Variants in RPS6KA5 observed in about 807,000 individuals in gnomAD.
RPS6KA5 encodes the protein ribosomal protein S6 kinase alpha-5.
RPS6KA5 carries 27 observed loss-of-function variants against 85.5 expected under a neutral mutation model. The observed-to-expected ratio is 0.32, with a 90% CI of 0.23 to 0.44. The LOEUF is 0.44. RPS6KA5 is among the 20% of genes least tolerant of loss of function. The probability of loss-of-function intolerance (pLI) is 1.00; values close to 1 mark genes in which losing one functional copy is unlikely to be tolerated. For missense variants in RPS6KA5, 811 were observed against 980.9 expected (o/e 0.83, Z 2.31); for synonymous variants, 334 against 348.2 (o/e 0.96, Z 0.46).
chr14:90,965,562 A>G (rs1478960283), intron 3 of RPS6KA5, among the ~76,000 whole-genome samples: 2 of 152,152 alleles, frequency 1.3e-5, no homozygotes, highest in Non-Finnish European at 2.9e-5. Context: ...TTGAGAAGTA[A>G]TAAGAGGCTG....
chr14:91,040,448 A>ATT (rs1336226356), intron 1 of RPS6KA5, among the ~76,000 whole-genome samples: 1 of 152,084 alleles, frequency 6.6e-6, no homozygotes, highest in Non-Finnish European at 1.5e-5. Flanking sequence ...AAAATAAAAC[A>ATT]TGGAAAGCTG....
At chr14:90,884,738 T>A (rs2034075618) in intron 14 of RPS6KA5, among the ~76,000 whole-genome samples, 1 of 152,220 alleles carries the variant, frequency 6.6e-6, no homozygotes, top group Admixed American at 6.5e-5. Context: ...GAACATTGGG[T>A]TGTTTCCAGT....
intron 9 of RPS6KA5, among the ~76,000 whole-genome samples, chr14:90,900,973 G>A (rs992638800): frequency 6.6e-6 from 1 of 152,126 alleles, no homozygotes; most frequent in Non-Finnish European, 1.5e-5. Flanking sequence ...AAAAATAAAG[G>A]TAGAAAAAGA....
intron 7 of RPS6KA5, among the ~76,000 whole-genome samples, chr14:90,918,914 A>T (rs1196184518): frequency 6.6e-6 from 1 of 152,212 alleles, no homozygotes; most frequent in Non-Finnish European, 1.5e-5. Context: ...TTTAAAGATA[A>T]TTTGGCTATT....
chr14:90,924,956 C>T (rs2036580552), intron 5 of RPS6KA5, among the ~76,000 whole-genome samples: 1 of 152,210 alleles, frequency 6.6e-6, no homozygotes, highest in Non-Finnish European at 1.5e-5. Flanking sequence ...GGTGTAAAAT[C>T]ATCAATGAAA....
chr14:90,970,511 A>G (rs2039270933), intron 3 of RPS6KA5, among the ~76,000 whole-genome samples: 1 of 152,222 alleles, frequency 6.6e-6, no homozygotes, highest in South Asian at 2.1e-4. Flanking sequence ...CATTACCTTT[A>G]CAAACACTTT....
intron 3 of RPS6KA5, among the ~76,000 whole-genome samples, chr14:90,956,328 A>T (rs1018058529): frequency 6.6e-6 from 1 of 152,040 alleles, no homozygotes; most frequent in African/African-American, 2.4e-5. Context: ...GTTTTGTCTG[A>T]TATTAGCATA....
chr14:91,057,800 C>T (rs1405270309), intron 1 of RPS6KA5, among the ~76,000 whole-genome samples: 3 of 152,174 alleles, frequency 2.0e-5, no homozygotes, highest in Admixed American at 1.3e-4. Context: ...CCAAGCAACC[C>T]GCTTAGCACT....
intron 3 of RPS6KA5, among the ~76,000 whole-genome samples, chr14:90,963,730 G>A (rs561305163): frequency 6.6e-6 from 1 of 152,236 alleles, no homozygotes; most frequent in East Asian, 1.9e-4. Context: ...CAGGTAAATG[G>A]GATAGCAGAG....
intron 5 of RPS6KA5, 36 bp from the exon 6 acceptor site, chr14:90,923,232 A>G: frequency 6.7e-7 from 1 of 1,495,174 alleles, no homozygotes; most frequent in Non-Finnish European, 9.3e-7. Flanking sequence ...TTTGATTTCA[A>G]GCTAGTATGA....
intron 1 of RPS6KA5, among the ~76,000 whole-genome samples, chr14:91,016,827 T>G: frequency 6.9e-6 from 1 of 144,588 alleles, no homozygotes; most frequent in African/African-American, 2.6e-5. Flanking sequence ...GACAAGAAAG[T>G]GTAAGGAAGA....
Position 91,012,089 on chromosome 14 carries a change from A to AT in RPS6KA5, c.104-10931dup, listed in dbSNP as rs945250067. Among the ~76,000 whole-genome samples, 58 of 151,886 alleles carry AT rather than the reference A, an allele frequency of 3.8e-4. 1 individual carries two copies. The highest frequency in any genetic ancestry group is 1.1e-3 in the African/African-American group (45 of 41,456). ...TATCCAATTTTCAGTTACTTGACAG[A>AT]TTTTTTTTTCTTTGAGACATCAGTT... is the stretch of plus-strand genomic sequence containing the variant. On this transcript the variant is annotated intron_variant, in intron 1 of 16. Coordinates refer to ENST00000614987, the MANE Select transcript of RPS6KA5 (RefSeq NM_004755.4).
chr14:90,905,908 C>CT (rs768597202), intron 8 of RPS6KA5, among the ~76,000 whole-genome samples: 1 of 151,892 alleles, frequency 6.6e-6, no homozygotes, highest in Non-Finnish European at 1.5e-5. Flanking sequence ...TATTATGATC[C>CT]TCCCCACTCC....
chr14:90,958,669 T>C (rs1346847785), intron 3 of RPS6KA5, among the ~76,000 whole-genome samples: 1 of 152,194 alleles, frequency 6.6e-6, no homozygotes, highest in Non-Finnish European at 1.5e-5. Context: ...ATCTGAGCTC[T>C]TATTATGCAT....
At chr14:91,040,963 G>C (rs1485372829) in intron 1 of RPS6KA5, among the ~76,000 whole-genome samples, 1 of 152,208 alleles carries the variant, frequency 6.6e-6, no homozygotes, top group African/African-American at 2.4e-5. Flanking sequence ...CCAGTGAATG[G>C]GGCATAAAGA....
intron 3 of RPS6KA5, among the ~76,000 whole-genome samples, chr14:90,973,381 T>C (rs1040030559): frequency 1.3e-4 from 20 of 150,192 alleles, no homozygotes; most frequent in African/African-American, 4.9e-4. Context: ...AGGCAGAGGT[T>C]GCAGTGAGCC....
At chr14:91,052,944 T>C (rs1170771036) in intron 1 of RPS6KA5, among the ~76,000 whole-genome samples, 1 of 152,082 alleles carries the variant, frequency 6.6e-6, no homozygotes, top group Non-Finnish European at 1.5e-5. Flanking sequence ...AAAGATTTCT[T>C]ATGGATATAG....
In RPS6KA5 at chr14:90,894,521, T is replaced by C; in HGVS notation, c.1536A>G (p.Lys512=). The C allele has an allele frequency of 6.2e-7, 1 of 1,614,190 alleles. No individual in the cohort carries two copies. ...CTTCCGTCTCACTGAAGTGCTTCTTTTTCTTAATGCGCTCAAACAGTTCTC... is the reference window on the plus strand; with the variant it reads ...CTTCCGTCTCACTGAAGTGCTTCTTCTTCTTAATGCGCTCAAACAGTTCTC... ...NGGELFERIK[K]KKHFSETEAS... The change falls in exon 13 of 17, where the codon AAA becomes AAG. Residue 512 remains lysine (K), a synonymous_variant. Transcript: ENST00000614987.
At chr14:91,049,711 C>T (rs183349066) in intron 1 of RPS6KA5, among the ~76,000 whole-genome samples, 43 of 152,294 alleles carry the variant, frequency 2.8e-4, no homozygotes, top group South Asian at 1.9e-3. Context: ...ACAATGAGAA[C>T]ATGTTCTGAG....
Sources: allele counts gnomAD v4.1 joint callset (sites outside exome capture counted in the v4.1 genomes callset), GRCh38; gene constraint gnomAD v4.1.1; transcripts MANE v1.5; gene names NCBI Gene and HGNC (gene_info 2026-07-23, HGNC 2026-07-21).